The following ECPAS variants were observed in gnomAD, a reference collection of about 807,000 sequenced individuals.
ECPAS encodes the protein Ecm29 proteasome adaptor and scaffold, also known as proteasome adapter and scaffold protein ECM29.
Under a neutral mutation model 255.1 loss-of-function variants are expected in ECPAS, and 70 were observed. The ratio of observed to expected loss-of-function variants is 0.27; its 90% confidence interval spans 0.23 to 0.33. The LOEUF (loss-of-function observed/expected upper bound fraction) is 0.33, where lower values mean the gene tolerates loss of function less well. Among genes scored for constraint, ECPAS ranks in the 10% least tolerant of loss-of-function variants. The probability of loss-of-function intolerance (pLI) is 1.00; values close to 1 mark genes in which losing one functional copy is unlikely to be tolerated. For synonymous variants in ECPAS, 784 were observed against 775.0 expected (o/e 1.01, Z -0.19); for missense variants, 1,817 against 2,206.4 (o/e 0.82, Z 3.54).
At chr9:111,394,528 G>A (rs934980252) in intron 25 of ECPAS, among the ~76,000 whole-genome samples, 2 of 152,100 alleles carry the variant, frequency 1.3e-5, no homozygotes, top group African/African-American at 4.8e-5. Flanking sequence ...TTTAGTTCCT[G>A]AGAATGAAAA....
intron 17 of ECPAS, among the ~76,000 whole-genome samples, chr9:111,417,650 G>A (rs1280937209): frequency 6.6e-6 from 1 of 151,942 alleles, no homozygotes; most frequent in Non-Finnish European, 1.5e-5. Flanking sequence ...AGGAGCTGGG[G>A]CAGGAGAATC....
chr9:111,405,622 C>T (rs567786232), intron 24 of ECPAS, among the ~76,000 whole-genome samples: 5 of 149,708 alleles, frequency 3.3e-5, no homozygotes, highest in Non-Finnish European at 5.9e-5. Context: ...ATGGCATAGA[C>T]GAAAATATCT....
intron 2 of ECPAS, among the ~76,000 whole-genome samples, chr9:111,472,694 T>A (rs2098290334): frequency 6.6e-6 from 1 of 152,074 alleles, no homozygotes; most frequent in Non-Finnish European, 1.5e-5. Context: ...TTGCAAATTA[T>A]TTTTATGTTT....
chr9:111,422,438 T>C (rs1343183403), intron 13 of ECPAS, among the ~76,000 whole-genome samples: 2 of 152,198 alleles, frequency 1.3e-5, no homozygotes, highest in Non-Finnish European at 2.9e-5. Context: ...CAGTTAACAT[T>C]TCTGATTTTA....
At chr9:111,461,257 T>G (rs1208330391) in intron 2 of ECPAS, among the ~76,000 whole-genome samples, 1 of 149,818 alleles carries the variant, frequency 6.7e-6, no homozygotes, top group Non-Finnish European at 1.5e-5. Flanking sequence ...CTCAGGAGTT[T>G]GAGACCAGCC....
rs1252456337 is a variant in ECPAS, at chr9:111,414,041, G to A, written c.1988-55C>T. The A allele has an allele frequency of 4.2e-6, 5 of 1,189,208 alleles. No homozygotes were observed. In the African/African-American group the frequency reaches 4.6e-5, roughly 11 times the overall value. 73.7% of individuals were successfully genotyped at this position (1,189,208 alleles called of 1,614,324 possible). On this transcript the variant is annotated intron_variant, in intron 19 of 49. Coordinates refer to ENST00000684092, the MANE Select transcript of ECPAS (RefSeq NM_001364929.1). ...TTCAAGAAAAGTAATGAACATACAGGGATCACTAAATTCCTTTAAAGTATA... is the reference window on the plus strand; with the variant it reads ...TTCAAGAAAAGTAATGAACATACAGAGATCACTAAATTCCTTTAAAGTATA...
At chr9:111,467,704 T>A (rs1347785783) in intron 2 of ECPAS, among the ~76,000 whole-genome samples, 1 of 152,200 alleles carries the variant, frequency 6.6e-6, no homozygotes, top group Non-Finnish European at 1.5e-5. Flanking sequence ...TACACTATAA[T>A]AGACGATTTC....
chr9:111,477,213 A>G lies in ECPAS; in HGVS notation c.-82-4213T>C, dbSNP rs181684868. ...ATCCTCCAGTTCCCAGGTTCAAGCA[A>G]TTCTCCTGCCTCAGCCTCCCAAGAA... On this transcript the variant is annotated intron_variant, in intron 1 of 49. Transcript: ENST00000684092. 1.5e-3 allele frequency among the ~76,000 whole-genome samples: 228 copies of G among 151,830 alleles called. 2 individuals carry two copies. Among genetic ancestry groups the G allele is most frequent in the South Asian group, 2.3e-3 (11 of 4,810 alleles).
chr9:111,430,746 A>G, intron 8 of ECPAS, 118 bp from the exon 9 acceptor site: 2 of 692,128 alleles, frequency 2.9e-6, no homozygotes, highest in South Asian at 3.3e-5. Context: ...CACACAAATG[A>G]AATGGGCAAT....
At chr9:111,406,858 G>C (rs958524902) in intron 24 of ECPAS, among the ~76,000 whole-genome samples, 2 of 149,118 alleles carry the variant, frequency 1.3e-5, no homozygotes, top group South Asian at 2.1e-4. Flanking sequence ...GCCTTGGTGA[G>C]AGAATGAGAT....
Position 111,369,151 on chromosome 9 carries a change from A to G in ECPAS, c.4997T>C (p.Val1666Ala). 6.3e-7 allele frequency: 1 copy of G among 1,589,580 alleles called. No homozygotes were observed. Among genetic ancestry groups the G allele is most frequent in the East Asian group, 2.3e-5 (1 of 43,838 alleles). The change falls in exon 46 of 50, where the codon GTC (valine) becomes GCC (alanine). Residue 1666 changes from valine to alanine, a missense_variant. This residue lies in a region of ECPAS where 960 missense variants were observed against 1,179.0 expected (regional missense o/e 0.81). Coordinates refer to ENST00000684092, the MANE Select transcript of ECPAS (RefSeq NM_001364929.1). ...IKKNSLESSG[V>A]RTTKNEEENE... The stretch of plus-strand genomic sequence containing the variant: ...CTCCTCTTCATTTTTGGTTGTCCGG[A>G]CCCCACTGCTTTCAAGTGAGTTCTA...
intron 32 of ECPAS, among the ~76,000 whole-genome samples, chr9:111,385,947 G>C (rs2098147674): frequency 6.6e-6 from 1 of 152,116 alleles, no homozygotes; most frequent in African/African-American, 2.4e-5. Context: ...TATGCTTTTT[G>C]GTAGTTTTTT....
At chr9:111,409,436 T>C (rs1053292306) in intron 23 of ECPAS, among the ~76,000 whole-genome samples, 1 of 152,090 alleles carries the variant, frequency 6.6e-6, no homozygotes, top group Non-Finnish European at 1.5e-5. Context: ...GGCGTGCGCC[T>C]GTAATCTCAG....
intron 2 of ECPAS, among the ~76,000 whole-genome samples, chr9:111,453,128 T>G (rs576312006): frequency 2.6e-5 from 4 of 152,184 alleles, no homozygotes; most frequent in African/African-American, 9.6e-5. Context: ...GTGCCTATGG[T>G]CCCAGCTACT....
intron 49 of ECPAS, among the ~76,000 whole-genome samples, 156 bp downstream of exon 49, chr9:111,363,432 A>G (rs1421718296): frequency 1.3e-5 from 2 of 152,196 alleles, no homozygotes; most frequent in Non-Finnish European, 2.9e-5. Context: ...AAAATTTAAT[A>G]GTTTTGGCTT....
chr9:111,421,996 C>A lies in ECPAS; in HGVS notation c.1380G>T (p.Met460Ile). 6.2e-7 allele frequency: 1 copy of A among 1,613,734 alleles called. No individual in the cohort carries two copies. Among genetic ancestry groups the A allele is most frequent in the Non-Finnish European group, 8.5e-7 (1 of 1,179,798 alleles). ...RLAIQEALSM[M>I]VGAYSTLEGA... is the part of the protein sequence containing the mutation. ...CTTCCAAAGTACTATACGCTCCAACCATCATAGATAAAGCTTCTTGAATAG... is the reference window on the plus strand; with the variant it reads ...CTTCCAAAGTACTATACGCTCCAACAATCATAGATAAAGCTTCTTGAATAG... Residue 460 changes from methionine (M) to isoleucine (I), a missense_variant, in exon 15 of 50, where the codon ATG (methionine) becomes ATT (isoleucine). Physicochemically the swap from Met to Ile is conservative, Grantham distance 10. Transcript: ENST00000684092.
chr9:111,472,766 T>G (rs2098290444), intron 2 of ECPAS, 131 bp downstream of exon 2: 1 of 196,126 alleles, frequency 5.1e-6, no homozygotes, highest in Admixed American at 6.1e-5. Context: ...ACCAATTTTC[T>G]CAGGCTAGCT....
At chr9:111,421,884 G>C in intron 15 of ECPAS, 37 bp downstream of exon 15, 1 of 1,600,660 alleles carries the variant, frequency 6.2e-7, no homozygotes, top group Non-Finnish European at 8.5e-7. Context: ...AATGTAAACC[G>C]TATACTACCC....
intron 2 of ECPAS, among the ~76,000 whole-genome samples, chr9:111,465,741 A>G (rs1014661598): frequency 2.6e-5 from 4 of 152,080 alleles, no homozygotes; most frequent in African/African-American, 9.7e-5. Flanking sequence ...AGAAAAAAAC[A>G]GCATACAGGC....
Sources: allele counts gnomAD v4.1 joint callset (sites outside exome capture counted in the v4.1 genomes callset), GRCh38; gene constraint gnomAD v4.1.1; regional missense constraint gnomAD v4.1.1; transcripts MANE v1.5; gene names NCBI Gene and HGNC (gene_info 2026-07-23, HGNC 2026-07-21).